SSX5: variants seen among roughly 807,000 people sequenced by gnomAD.
The protein encoded by SSX5 is protein SSX5.
A neutral mutation model predicts 14.9 loss-of-function variants in SSX5; 14 were observed. That is an observed-to-expected ratio of 0.94 (90% CI 0.62 to 1.47). The LOEUF is 1.47. SSX5 is among the 40% of genes most tolerant of loss of function. The pLI, the probability that SSX5 is intolerant of heterozygous loss-of-function variation, is 0.00. For missense variants in SSX5, 204 were observed against 154.6 expected, an observed-to-expected ratio of 1.32 and a Z score of -1.70; for synonymous variants, 70 against 55.4, an observed-to-expected ratio of 1.26 and a Z score of -1.17.
chrX:48,186,395 T>C lies in SSX5; in HGVS notation c.*466A>G. ...GTGTGTGTGTGTGTGTGTGTGTGTGTGTGTGTGTGCGCGCGCGCGCGCATG... is the reference window on the plus strand; with the variant it reads ...GTGTGTGTGTGTGTGTGTGTGTGTGCGTGTGTGTGCGCGCGCGCGCGCATG... On this transcript the variant is annotated 3_prime_UTR_variant, in exon 8 of 8. Transcript: ENST00000347757. The C allele has an allele frequency of 8.3e-6, 2 of 239,885 alleles. No individual in the cohort carries two copies. Among genetic ancestry groups the C allele is most frequent in the Admixed American group, 1.3e-4 (2 of 14,968 alleles). 19.8% of individuals were successfully genotyped at this position (239,885 alleles called of 1,213,427 possible).
chrX:48,189,406 C>G (rs5953183), intron 6 of SSX5, among the ~76,000 whole-genome samples: 3 of 109,478 alleles, frequency 2.7e-5, no homozygotes, highest in African/African-American at 9.9e-5. Context: ...TCATTGTTGT[C>G]TTCTTTTATG....
chrX:48,194,587 T>C (rs1556925438), intron 3 of SSX5, among the ~76,000 whole-genome samples, 153 bp downstream of exon 3: 3 of 110,758 alleles, frequency 2.7e-5, no homozygotes, highest in African/African-American at 9.9e-5. Context: ...CCTGACAAGA[T>C]ACAGAAGAGC....
intron 6 of SSX5, among the ~76,000 whole-genome samples, chrX:48,187,939 T>C (rs1556924134): frequency 8.9e-6 from 1 of 112,037 alleles, no homozygotes. Context: ...AAATGCAAAT[T>C]AAAGTTTTAG....
chrX:48,190,133 C>G lies in SSX5; in HGVS notation c.466G>C (p.Gly156Arg). The part of the protein sequence containing the change: ...NTSEKVNKTS[G>R]PKRGKHAWTH... Reference sequence around the variant, plus strand: ...TTGTTCCCAAATTCTTTTCTCTTACCAGATGTCTTGTTAACCTTCTCAGAG... The same window carrying G: ...TTGTTCCCAAATTCTTTTCTCTTACGAGATGTCTTGTTAACCTTCTCAGAG... Residue 156 changes from glycine (G) to arginine (R), a missense_variant and splice_region_variant, in exon 6 of 8, where the codon GGA (glycine) becomes CGA (arginine). Gly to Arg is a moderately radical substitution (Grantham distance 125). Transcript: ENST00000347757. 2 of 1,210,057 alleles carry G rather than the reference C, an allele frequency of 1.7e-6. No individual in the cohort carries two copies. The highest frequency in any genetic ancestry group is 2.2e-6 in the Non-Finnish European group (2 of 894,766).
chrX:48,191,353 C>T (rs1401386984), intron 5 of SSX5, among the ~76,000 whole-genome samples: 1 of 111,818 alleles, frequency 8.9e-6, no homozygotes, highest in Non-Finnish European at 1.9e-5. Context: ...TCTTTGAATT[C>T]GGTCTCCACA....
At chrX:48,195,742 G>C (rs1344816465) in intron 1 of SSX5, among the ~76,000 whole-genome samples, 31 of 111,094 alleles carry the variant, frequency 2.8e-4, no homozygotes, top group African/African-American at 1.0e-3. Flanking sequence ...CAGTGGGGGC[G>C]TTCTGACACC....
rs144061131 is a variant in SSX5, at chrX:48,194,833, A to G, written c.91T>C (p.Tyr31His). ...MQKAFDDIAK[Y>H]FSEKEWEKMK... ...TTTTCCCACTCTTTCTCAGAGAAGT[A>G]TTTGGCAATATCATCGAAGGCCTAG... The change falls in exon 3 of 8, where the codon TAC becomes CAC. Residue 31 changes from tyrosine to histidine, a missense_variant. Transcript: ENST00000347757. 6.6e-6 allele frequency: 8 copies of G among 1,207,237 alleles called. No individual in the cohort carries two copies. Among genetic ancestry groups the G allele is most frequent in the Non-Finnish European group, 7.8e-6 (7 of 893,784 alleles).
At chrX:48,189,166 G>A (rs1319231380) in intron 6 of SSX5, among the ~76,000 whole-genome samples, 4 of 112,001 alleles carry the variant, frequency 3.6e-5, no homozygotes, top group Non-Finnish European at 5.6e-5. Context: ...CAAGTTATCC[G>A]GAAGATCTAG....
At chrX:48,191,860 A>G (rs782081356) in intron 5 of SSX5, among the ~76,000 whole-genome samples, 11 of 112,049 alleles carry the variant, frequency 9.8e-5, no homozygotes, top group Non-Finnish European at 1.3e-4. Context: ...CTTCCATTTC[A>G]TGAACCAGGA....
At chrX:48,194,700 A>G (rs781872247) in intron 3 of SSX5, 40 bp downstream of exon 3, 4 of 1,145,347 alleles carry the variant, frequency 3.5e-6, no homozygotes, top group Non-Finnish European at 4.7e-6. Context: ...AGGGATGCTC[A>G]TGTATCCCCA....
chrX:48,193,362 G>A (rs2059427452), intron 4 of SSX5, among the ~76,000 whole-genome samples: 1 of 110,177 alleles, frequency 9.1e-6, no homozygotes, highest in Non-Finnish European at 1.9e-5. Flanking sequence ...CAAACACACA[G>A]AAAAGTATGG....
At chrX:48,191,480 G>A (rs1296499225) in intron 5 of SSX5, among the ~76,000 whole-genome samples, 1 of 111,142 alleles carries the variant, frequency 9.0e-6, no homozygotes, top group Non-Finnish European at 1.9e-5. Context: ...GGGACTTCCC[G>A]GATGCCCCAG....
intron 4 of SSX5, among the ~76,000 whole-genome samples, chrX:48,192,629 A>C (rs1460291250): frequency 3.6e-5 from 4 of 112,566 alleles, no homozygotes; most frequent in African/African-American, 1.3e-4. Flanking sequence ...ATCATTTTAC[A>C]CTTCAAATGG....
chrX:48,186,401 TGTGCGCGC>T lies in SSX5; in HGVS notation c.*452_*459del, dbSNP rs2059396727. The stretch of plus-strand genomic sequence containing the variant: ...GTGTGTGTGTGTGTGTGTGTGTGTG[TGTGCGCGC>T]GCGCGCGCATGTGTGTCTGTGTGGC... On this transcript the variant is annotated 3_prime_UTR_variant, in exon 8 of 8. Coordinates refer to ENST00000347757, the MANE Select transcript of SSX5 (RefSeq NM_175723.2). 5.2e-5 allele frequency: 10 copies of T among 192,518 alleles called. No individual in the cohort carries two copies. The highest frequency in any genetic ancestry group is 2.0e-4 in the Admixed American group (2 of 10,198). The allele number at this position is 192,518 out of a possible 1,213,427, so 15.9% of individuals were successfully genotyped here.
In SSX5 at chrX:48,186,553, T is replaced by A. The variant is rs2059398282; in HGVS notation, c.*308A>T. 2.3e-6 allele frequency: 1 copy of A among 429,862 alleles called. No homozygotes were observed. The highest frequency in any genetic ancestry group is 2.5e-5 in the African/African-American group (1 of 40,330). 35.4% of individuals were successfully genotyped at this position (429,862 alleles called of 1,213,427 possible). A position where few individuals can be genotyped will look rare whatever the true frequency, so the allele number is the denominator to read the frequency against. ...AGTGTTGTTCTATGCAGAGAATACC[T>A]GACGATACTTGTTTTCTGAGGTAGG... On this transcript the variant is annotated 3_prime_UTR_variant, in exon 8 of 8. Transcript: ENST00000347757.
At position 48,189,451 on chromosome X, in the gene SSX5, C is replaced by A. The variant is rs782277173; in HGVS notation, c.466+682G>T. 5.4e-5 allele frequency among the ~76,000 whole-genome samples: 6 copies of A among 111,955 alleles called. 1 individual carries two copies. The South Asian group carries it at 2.3e-3, about 43-fold the overall frequency. On this transcript the variant is annotated intron_variant, in intron 6 of 7. Coordinates refer to ENST00000347757, the MANE Select transcript of SSX5 (RefSeq NM_175723.2). ...CAGCCACTCCACCCTTCAGCAACCA[C>A]CACCTTGATCAGCCAGCAGCCATCA...
chrX:48,190,142 T>C lies in SSX5; in HGVS notation c.457A>G (p.Lys153Glu), dbSNP rs1556924472. 8.3e-7 allele frequency: 1 copy of C among 1,210,623 alleles called. No homozygotes were observed. Reference protein sequence around the residue: ...GKLNTSEKVNKTSGPKRGKHA... With the variant: ...GKLNTSEKVNETSGPKRGKHA... ...AATTCTTTTCTCTTACCAGATGTCT[T>C]GTTAACCTTCTCAGAGGTATTTAGT... The change falls in exon 6 of 8, where the codon AAG (lysine) becomes GAG (glutamate). Residue 153 changes from lysine (K) to glutamate (E), a missense_variant. Physicochemically the swap from Lys to Glu is moderately conservative, Grantham distance 56. Transcript: ENST00000347757.
In SSX5 at chrX:48,187,662, T is replaced by C; in HGVS notation, c.536A>G (p.Glu179Gly). The stretch of plus-strand genomic sequence containing the variant: ...GTCATCTTCCTGAGGGTCGCTGATC[T>C]CTTCATAAATCACCAGTTGCTTTCT... Reference protein sequence around the residue: ...RERKQLVIYEEISDPQEDDE With the variant: ...RERKQLVIYEGISDPQEDDE The change falls in exon 7 of 8, where the codon GAG becomes GGG. Residue 179 changes from glutamate (E) to glycine (G), a missense_variant. Transcript: ENST00000347757. 1 of 1,209,766 alleles carries C rather than the reference T, an allele frequency of 8.3e-7. No homozygotes were observed.
chrX:48,190,898 A>G (rs1163847825), intron 5 of SSX5, among the ~76,000 whole-genome samples: 3 of 106,185 alleles, frequency 2.8e-5, no homozygotes, highest in African/African-American at 6.9e-5. Flanking sequence ...ACTGACCAAC[A>G]CTCTTAAGCT....
Sources: gnomAD v4.1 joint callset for allele counts (sites outside exome capture counted in the v4.1 genomes callset) on GRCh38, gnomAD v4.1.1 for gene constraint, MANE v1.5 for transcripts, NCBI Gene and HGNC (gene_info 2026-07-23, HGNC 2026-07-21) for gene names.